Variants in DLGAP1 observed in about 807,000 individuals in gnomAD.
DLGAP1 encodes DLG associated protein 1.
In DLGAP1, 11 loss-of-function variants were observed where a neutral mutation model predicts 90.8. That is an observed-to-expected ratio of 0.12 (90% CI 0.08 to 0.20). DLGAP1 has a LOEUF of 0.20. Among genes scored for constraint, DLGAP1 ranks in the 10% least tolerant of loss-of-function variants. DLGAP1 has a pLI of 1.00. For missense variants in DLGAP1, 1,050 were observed against 1,333.8 expected, an observed-to-expected ratio of 0.79 and a Z score of 3.31; for synonymous variants, 558 against 540.7, an observed-to-expected ratio of 1.03 and a Z score of -0.44.
intron 7 of DLGAP1, among the ~76,000 whole-genome samples, chr18:3,619,635 C>T (rs894210324): frequency 2.0e-5 from 3 of 152,126 alleles, no homozygotes; most frequent in South Asian, 2.1e-4. Flanking sequence ...CCCACCACCC[C>T]GTCCTGCGAC....
At chr18:3,619,230 CACAA>C (rs1321636264) in intron 7 of DLGAP1, among the ~76,000 whole-genome samples, 1 of 152,230 alleles carries the variant, frequency 6.6e-6, no homozygotes, top group Non-Finnish European at 1.5e-5. Flanking sequence ...CTAACATACC[CACAA>C]ACAGAGAATT....
rs372200467 is a variant in DLGAP1 at position 4,103,847 on chromosome 18, A to G, written c.-159+47333T>C. 7.4e-4 allele frequency among the ~76,000 whole-genome samples: 113 copies of G among 152,282 alleles called. 4 individuals carry two copies. The South Asian group carries it at 0.015, about 20-fold the overall frequency. On this transcript the variant is annotated intron_variant, in intron 2 of 12. Transcript: ENST00000315677. ...CTTTCATTTGTTAACATAGATAAAAAAATTGATATGCTAAATTGAACTAGC... is the reference window on the plus strand; with the variant it reads ...CTTTCATTTGTTAACATAGATAAAAGAATTGATATGCTAAATTGAACTAGC...
chr18:3,961,942 C>A (rs529510186), intron 3 of DLGAP1, among the ~76,000 whole-genome samples: 1 of 152,348 alleles, frequency 6.6e-6, no homozygotes, highest in South Asian at 2.1e-4. Flanking sequence ...AGGATGCTAA[C>A]ATGATTGACC....
intron 1 of DLGAP1, among the ~76,000 whole-genome samples, chr18:4,393,589 C>T (rs1456630279): frequency 1.3e-5 from 2 of 152,156 alleles, no homozygotes; most frequent in African/African-American, 4.8e-5. Context: ...GTAGCTACAC[C>T]ATAATTTGTA....
chr18:3,868,832 T>G (rs1387858607), intron 4 of DLGAP1, among the ~76,000 whole-genome samples: 1 of 152,198 alleles, frequency 6.6e-6, no homozygotes, highest in Non-Finnish European at 1.5e-5. Context: ...TTACTTGCTC[T>G]TTTCAATTTC....
At chr18:4,350,785 G>A (rs772714978) in intron 1 of DLGAP1, among the ~76,000 whole-genome samples, 3 of 151,936 alleles carry the variant, frequency 2.0e-5, no homozygotes, top group Non-Finnish European at 2.9e-5. Context: ...CCAGGTCCTC[G>A]GAATTTAACT....
chr18:3,769,568 A>G (rs1226468864), intron 5 of DLGAP1, among the ~76,000 whole-genome samples: 2 of 152,186 alleles, frequency 1.3e-5, no homozygotes, highest in Non-Finnish European at 2.9e-5. Flanking sequence ...AGCCTGGATG[A>G]ATTTCCAGAG....
chr18:4,362,651 G>A (rs552096234), intron 1 of DLGAP1, among the ~76,000 whole-genome samples: 28 of 152,172 alleles, frequency 1.8e-4, no homozygotes, highest in Non-Finnish European at 3.7e-4. Context: ...CCTGGAGATG[G>A]ACGGTGGTGA....
At chr18:3,709,783 G>C (rs1567995359) in intron 7 of DLGAP1, among the ~76,000 whole-genome samples, 1 of 152,156 alleles carries the variant, frequency 6.6e-6, no homozygotes, top group Non-Finnish European at 1.5e-5. Context: ...GTGTTTGCGG[G>C]ACTGAAGGAT....
chr18:4,022,544 A>G (rs148785730), intron 2 of DLGAP1, among the ~76,000 whole-genome samples: 3 of 152,172 alleles, frequency 2.0e-5, no homozygotes, highest in Non-Finnish European at 2.9e-5. Context: ...TTAAAGATCT[A>G]CTCACGATGC....
At chr18:4,163,348 C>T (rs2076877640) in intron 1 of DLGAP1, among the ~76,000 whole-genome samples, 1 of 152,158 alleles carries the variant, frequency 6.6e-6, no homozygotes, top group South Asian at 2.1e-4. Context: ...ATGAGCTTAG[C>T]AATCGTAGTT....
intron 2 of DLGAP1, among the ~76,000 whole-genome samples, chr18:4,077,502 G>A (rs2075541263): frequency 1.3e-5 from 2 of 152,092 alleles, no homozygotes; most frequent in African/African-American, 4.8e-5. Context: ...GCGGAGGGCA[G>A]GGGTGGGGAG....
At chr18:4,228,764 C>T (rs2078242855) in intron 1 of DLGAP1, among the ~76,000 whole-genome samples, 1 of 151,930 alleles carries the variant, frequency 6.6e-6, no homozygotes, top group South Asian at 2.1e-4. Context: ...GAAAGCCTAG[C>T]CTCTAAGATC....
At chr18:3,749,711 A>C (rs1037346020) in intron 5 of DLGAP1, among the ~76,000 whole-genome samples, 5 of 152,176 alleles carry the variant, frequency 3.3e-5, no homozygotes, top group Admixed American at 6.5e-5. Context: ...ACTACTGTAC[A>C]TTTCTATCCA....
chr18:3,508,760 A>G, intron 10 of DLGAP1, 99 bp from the exon 11 acceptor site: 1 of 891,940 alleles, frequency 1.1e-6, no homozygotes, highest in South Asian at 1.6e-5. Flanking sequence ...ATAATTAGGG[A>G]AAATGGCACA....
At chr18:4,440,415 T>C (rs924753421) in intron 1 of DLGAP1, among the ~76,000 whole-genome samples, 7 of 152,186 alleles carry the variant, frequency 4.6e-5, no homozygotes, top group African/African-American at 1.4e-4. Context: ...TATGGGACAT[T>C]TGTGGATTTA....
chr18:3,901,888 AG>A (rs2071791533), intron 3 of DLGAP1, among the ~76,000 whole-genome samples: 1 of 152,272 alleles, frequency 6.6e-6, no homozygotes, highest in South Asian at 2.1e-4. Context: ...TCAACCTCTC[AG>A]TTGGCCAACA....
chr18:3,917,854 GA>G (rs55809552), intron 3 of DLGAP1, among the ~76,000 whole-genome samples: 89,689 of 151,830 alleles, frequency 0.59, 28,141 homozygotes, highest in East Asian at 0.86. Flanking sequence ...AAAAATTTCA[GA>G]AAAAAAACTA....
chr18:3,806,714 G>A (rs573211850), intron 5 of DLGAP1, among the ~76,000 whole-genome samples: 3 of 152,208 alleles, frequency 2.0e-5, no homozygotes, highest in South Asian at 4.1e-4. Context: ...AAGAGAAGCC[G>A]TCCTGGAAGG....
Sources: gnomAD v4.1 joint callset for allele counts (sites outside exome capture counted in the v4.1 genomes callset) on GRCh38, gnomAD v4.1.1 for gene constraint, MANE v1.5 for transcripts, NCBI Gene and HGNC (gene_info 2026-07-23, HGNC 2026-07-21) for gene names.